ITSN1: variants seen among roughly 807,000 people sequenced by gnomAD.
The protein encoded by ITSN1 is intersectin-1.
Under a neutral mutation model 239.8 loss-of-function variants are expected in ITSN1, and 58 were observed. That is an observed-to-expected ratio of 0.24 (90% CI 0.20 to 0.30). ITSN1 has a LOEUF of 0.30. Ranked by LOEUF, ITSN1 falls within the 10% of genes least tolerant of loss-of-function variation. The pLI is 1.00. For synonymous variants in ITSN1, 780 were observed against 770.8 expected (o/e 1.01, Z -0.20); for missense variants, 1,558 against 2,103.3 (o/e 0.74, Z 5.07).
intron 20 of ITSN1, among the ~76,000 whole-genome samples, chr21:33,802,805 A>G (rs956687664): frequency 6.6e-5 from 10 of 152,214 alleles, no homozygotes; most frequent in Non-Finnish European, 2.9e-5. Flanking sequence ...TATTGGAATA[A>G]TTTTCTGGCT....
At chr21:33,851,778 CTTTTT>C (rs35567402) in intron 29 of ITSN1, among the ~76,000 whole-genome samples, 2 of 66,206 alleles carry the variant, frequency 3.0e-5, no homozygotes, top group African/African-American at 6.4e-5. Context: ...CTTTTCTTTC[CTTTTT>C]TTTTTTTTTT....
chr21:33,721,367 A>G, intron 3 of ITSN1, 97 bp downstream of exon 3: 1 of 787,884 alleles, frequency 1.3e-6, no homozygotes, highest in Admixed American at 2.0e-5. Flanking sequence ...AATATGACCA[A>G]GGAGAGACAT....
At chr21:33,815,904 T>C (rs911787290) in intron 22 of ITSN1, among the ~76,000 whole-genome samples, 4 of 151,846 alleles carry the variant, frequency 2.6e-5, no homozygotes, top group Non-Finnish European at 5.9e-5. Context: ...GAATGAAGAA[T>C]TGGGCCGGCG....
intron 27 of ITSN1, among the ~76,000 whole-genome samples, chr21:33,831,257 A>T (rs2834270): frequency 6.6e-6 from 1 of 152,014 alleles, no homozygotes; most frequent in African/African-American, 2.4e-5. Context: ...CATGGGGCCT[A>T]TGGAAGGACT....
intron 4 of ITSN1, 35 bp from the exon 5 acceptor site, chr21:33,735,009 C>T: frequency 6.4e-7 from 1 of 1,570,936 alleles, no homozygotes; most frequent in Non-Finnish European, 8.6e-7. Flanking sequence ...CTTTTATGGT[C>T]ACAGTTGTTC....
At chr21:33,831,993 T>G (rs2074318638) in intron 27 of ITSN1, among the ~76,000 whole-genome samples, 1 of 152,116 alleles carries the variant, frequency 6.6e-6, no homozygotes, top group Non-Finnish European at 1.5e-5. Context: ...TCCAGCATCA[T>G]GCCCCTGTCC....
At chr21:33,669,839 G>A (rs1209550678) in intron 1 of ITSN1, among the ~76,000 whole-genome samples, 4 of 151,814 alleles carry the variant, frequency 2.6e-5, no homozygotes. Context: ...TCTCTCTTGA[G>A]TGGCTTCATC....
intron 38 of ITSN1, 70 bp downstream of exon 38, chr21:33,885,592 A>C (rs1328228766): frequency 4.4e-6 from 5 of 1,140,086 alleles, no homozygotes; most frequent in Non-Finnish European, 6.7e-6. Context: ...CCACACCCCC[A>C]CCTGGCTCTA....
chr21:33,649,519 T>A (rs888489317), intron 1 of ITSN1, among the ~76,000 whole-genome samples: 2 of 152,196 alleles, frequency 1.3e-5, no homozygotes, highest in Non-Finnish European at 2.9e-5. Context: ...TTGGTGAAAT[T>A]GTTTTGGCTT....
At chr21:33,883,279 G>A (rs1985231606) in intron 35 of ITSN1, among the ~76,000 whole-genome samples, 2 of 152,206 alleles carry the variant, frequency 1.3e-5, no homozygotes, top group Non-Finnish European at 2.9e-5. Context: ...TTTGTAATAT[G>A]TAAAAGTTGA....
rs1569234672 is a variant in ITSN1 at position 33,813,949 on chromosome 21, T to A, written c.2604T>A (p.Asp868Glu). Residue 868 changes from aspartate to glutamate, a missense_variant, in exon 22 of 40, where the codon GAT becomes GAA. By Grantham distance (45) the Asp-to-Glu change is conservative. This residue lies in a region of ITSN1 where 982 missense variants were observed against 1,209.9 expected (regional missense o/e 0.81). Coordinates refer to ENST00000381318, the MANE Select transcript of ITSN1 (RefSeq NM_003024.3). ...GCACGAATGAGAAACCAGAAACGGA[T>A]AACTGGGATGCATGGGCAGCCCAGC... ...PTSTNEKPET[D>E]NWDAWAAQPS... 6.2e-7 allele frequency: 1 copy of A among 1,613,838 alleles called. No homozygotes were observed. Among genetic ancestry groups the A allele is most frequent in the East Asian group, 2.2e-5 (1 of 44,842 alleles).
chr21:33,711,499 A>G (rs1486174667), intron 1 of ITSN1, among the ~76,000 whole-genome samples: 1 of 151,828 alleles, frequency 6.6e-6, no homozygotes, highest in African/African-American at 2.4e-5. Context: ...GGTTGTTGGA[A>G]TTAGACCTGC....
At chr21:33,840,752 C>A (rs1238539380) in intron 29 of ITSN1, among the ~76,000 whole-genome samples, 1 of 152,254 alleles carries the variant, frequency 6.6e-6, no homozygotes, top group Non-Finnish European at 1.5e-5. Flanking sequence ...CCCACCTCGG[C>A]CTCCCAAAGT....
At chr21:33,697,406 G>GTATA (rs1415462830) in intron 1 of ITSN1, among the ~76,000 whole-genome samples, 1 of 151,762 alleles carries the variant, frequency 6.6e-6, no homozygotes, top group African/African-American at 2.4e-5. Context: ...TTTAGTGACT[G>GTATA]TATATATCTA....
intron 4 of ITSN1, among the ~76,000 whole-genome samples, chr21:33,725,902 A>T (rs1465175367): frequency 6.6e-6 from 1 of 152,232 alleles, no homozygotes; most frequent in African/African-American, 2.4e-5. Context: ...GTTTAGCAAG[A>T]TCTGCCTTTC....
At chr21:33,660,210 CAT>C (rs1357527138) in intron 1 of ITSN1, among the ~76,000 whole-genome samples, 3 of 152,206 alleles carry the variant, frequency 2.0e-5, no homozygotes, top group African/African-American at 7.2e-5. Context: ...TTTACACTCA[CAT>C]GTTGCCAAAA....
intron 20 of ITSN1, 133 bp from the exon 21 acceptor site, chr21:33,810,840 TGG>T (rs1420578822): frequency 9.9e-7 from 1 of 1,012,664 alleles, no homozygotes; most frequent in Admixed American, 1.7e-5. Flanking sequence ...CCCAGACACT[TGG>T]ACTAAGATGA....
At chr21:33,664,725 C>G (rs930429588) in intron 1 of ITSN1, among the ~76,000 whole-genome samples, 1 of 152,200 alleles carries the variant, frequency 6.6e-6, no homozygotes, top group Non-Finnish European at 1.5e-5. Flanking sequence ...AAATAGTAAA[C>G]ACTGTATAAG....
At chr21:33,650,346 A>C (rs1380801579) in intron 1 of ITSN1, among the ~76,000 whole-genome samples, 1 of 152,228 alleles carries the variant, frequency 6.6e-6, no homozygotes, top group Non-Finnish European at 1.5e-5. Flanking sequence ...CCATAAAAGC[A>C]CTGCAACAAG....
Sources: gnomAD v4.1 joint callset for allele counts (sites outside exome capture counted in the v4.1 genomes callset) on GRCh38, gnomAD v4.1.1 for gene constraint, gnomAD v4.1.1 regional missense constraint, MANE v1.5 for transcripts, NCBI Gene and HGNC (gene_info 2026-07-23, HGNC 2026-07-21) for gene names.